The following RNF217 variants were observed in gnomAD, a reference collection of about 807,000 sequenced individuals.
The protein encoded by RNF217 is E3 ubiquitin-protein ligase RNF217.
A neutral mutation model predicts 57.8 loss-of-function variants in RNF217; 31 were observed. The ratio of observed to expected loss-of-function variants is 0.54; its 90% CI spans 0.40 to 0.72. The LOEUF is 0.72. Among genes scored for constraint, RNF217 ranks in the 30% least tolerant of loss-of-function variants. The pLI is 0.00. For synonymous variants in RNF217, 313 were observed against 294.0 expected (o/e 1.06, Z -0.66); for missense variants, 696 against 708.3 (o/e 0.98, Z 0.20).
intron 1 of RNF217, among the ~76,000 whole-genome samples, chr6:124,996,137 A>C (rs1007073461): frequency 1.3e-5 from 2 of 152,152 alleles, no homozygotes; most frequent in African/African-American, 4.8e-5. Flanking sequence ...TACTCGCTCC[A>C]CAGCTGATGA....
intron 3 of RNF217, among the ~76,000 whole-genome samples, chr6:125,060,380 C>CAT (rs756964599): frequency 9.1e-5 from 13 of 143,482 alleles, no homozygotes; most frequent in East Asian, 4.0e-4. Flanking sequence ...CACACACACA[C>CAT]ATATATATTT....
At chr6:125,059,633 G>A (rs1034384913) in intron 3 of RNF217, among the ~76,000 whole-genome samples, 4 of 152,142 alleles carry the variant, frequency 2.6e-5, no homozygotes, top group Non-Finnish European at 5.9e-5. Flanking sequence ...TGAATAAACT[G>A]ATGTAACACA....
chr6:124,962,580 C>T lies in RNF217; in HGVS notation c.36C>T (p.Gly12=). 1 of 1,268,390 alleles carries T rather than the reference C, an allele frequency of 7.9e-7. No individual in the cohort carries two copies. The highest frequency in any genetic ancestry group is 9.9e-7 in the Non-Finnish European group (1 of 1,011,432). 78.6% of individuals were successfully genotyped at this position (1,268,390 alleles called of 1,614,324 possible). The change falls in exon 1 of 6, where the codon GGC becomes GGT. Residue 12 remains glycine, a synonymous_variant. Transcript: ENST00000521654. This position sits in a 1 kb window ranked among gnomAD's most constrained non-coding sequence, Gnocchi z 4.6. ...GEEQSTVSGG[G]GPQESQTLAS... ...AGCAGAGCACGGTGAGCGGCGGCGG[C>T]GGGCCCCAGGAGTCGCAGACCCTGG...
At chr6:125,014,379 T>A (rs1464276168) in intron 1 of RNF217, among the ~76,000 whole-genome samples, 1 of 152,226 alleles carries the variant, frequency 6.6e-6, no homozygotes, top group Non-Finnish European at 1.5e-5. Context: ...CTGTGAGGTA[T>A]ATGTAGATGA....
intron 2 of RNF217, among the ~76,000 whole-genome samples, chr6:125,047,326 TAGTGA>T (rs1213847958): frequency 6.6e-6 from 1 of 152,104 alleles, no homozygotes; most frequent in Non-Finnish European, 1.5e-5. Context: ...ATTATGGCAA[TAGTGA>T]AATGTTTTAC....
chr6:125,050,962 A>G (rs1787290787), intron 2 of RNF217, among the ~76,000 whole-genome samples: 1 of 151,976 alleles, frequency 6.6e-6, no homozygotes, highest in Admixed American at 6.6e-5. Flanking sequence ...AGTGTGTGTT[A>G]CATACATTAC....
intron 1 of RNF217, among the ~76,000 whole-genome samples, chr6:124,985,849 T>G (rs1172454487): frequency 1.3e-5 from 2 of 152,152 alleles, no homozygotes; most frequent in African/African-American, 4.8e-5. Flanking sequence ...ATATTAACAT[T>G]TATTAATAAA....
At chr6:124,989,424 G>A (rs1784472892) in intron 1 of RNF217, among the ~76,000 whole-genome samples, 1 of 152,100 alleles carries the variant, frequency 6.6e-6, no homozygotes, top group Non-Finnish European at 1.5e-5. Context: ...AAGAGTCATG[G>A]TAAGGTAATA....
At chr6:125,027,580 A>C (rs1582725608) in intron 1 of RNF217, among the ~76,000 whole-genome samples, 1 of 152,268 alleles carries the variant, frequency 6.6e-6, no homozygotes, top group Non-Finnish European at 1.5e-5. Context: ...GGTTGCTTCG[A>C]AATCTTAGCT....
intron 2 of RNF217, among the ~76,000 whole-genome samples, chr6:125,053,028 A>C (rs986968122): frequency 5.3e-5 from 8 of 152,012 alleles, no homozygotes; most frequent in African/African-American, 1.4e-4. Context: ...TGTTTCCCCA[A>C]TATATCATGT....
chr6:124,962,751 C>G lies in RNF217; in HGVS notation c.207C>G (p.Pro69=), dbSNP rs1421462663. The G allele has an allele frequency of 7.6e-6, 12 of 1,587,976 alleles. No individual in the cohort carries two copies. The highest frequency in any genetic ancestry group is 1.0e-5 in the Non-Finnish European group (12 of 1,175,934). Residue 69 remains proline, a synonymous_variant, in exon 1 of 6, where the codon CCC becomes CCG. Coordinates refer to ENST00000521654, the MANE Select transcript of RNF217 (RefSeq NM_001286398.3). This position sits in a 1 kb window ranked among gnomAD's most constrained non-coding sequence, Gnocchi z 4.6. ...GCGCGGACACCAGCGCCCCAGAGCC[C>G]GCGAGGAGCCTGGGGCCCCCGGGCT... ...WGCADTSAPE[P]ARSLGPPGWS...
rs115643950 is a variant in RNF217 at position 125,015,081 on chromosome 6, A to T, written c.883-30130A>T. On this transcript the variant is annotated intron_variant, in intron 1 of 5. Transcript: ENST00000521654. ...TCTGAAGTATATAGACTTCCACCTA[A>T]CACTTAGCAATCACTTAGAAGTTTC... Among the ~76,000 whole-genome samples, 640 of 152,252 alleles carry T rather than the reference A, an allele frequency of 4.2e-3. 2 individuals are homozygous for T. Among genetic ancestry groups the T allele is most frequent in the African/African-American group, 0.015 (612 of 41,554 alleles).
At chr6:125,076,529 C>A (rs1489995577) in intron 3 of RNF217, 128 bp from the exon 4 acceptor site, 2 of 644,672 alleles carry the variant, frequency 3.1e-6, no homozygotes, top group African/African-American at 1.8e-5. Flanking sequence ...AAATTCACAG[C>A]CTCAGGAGTG....
intron 1 of RNF217, among the ~76,000 whole-genome samples, chr6:124,979,671 T>C (rs944629810): frequency 4.0e-5 from 6 of 149,458 alleles, no homozygotes; most frequent in Non-Finnish European, 9.1e-5. Flanking sequence ...GGTCAGATAG[T>C]ATAGATCCTC....
intron 2 of RNF217, among the ~76,000 whole-genome samples, chr6:125,046,164 C>G (rs955794966): frequency 1.1e-4 from 16 of 152,166 alleles, no homozygotes; most frequent in African/African-American, 3.6e-4. Flanking sequence ...TGCACGGCCC[C>G]CGAGGCTAAG....
chr6:125,073,455 A>C (rs1433863717), intron 3 of RNF217, among the ~76,000 whole-genome samples: 1 of 152,316 alleles, frequency 6.6e-6, no homozygotes. Flanking sequence ...TGCTTAAAGA[A>C]GGATTCTCAA....
intron 1 of RNF217, among the ~76,000 whole-genome samples, chr6:124,981,822 T>A (rs1293878864): frequency 6.7e-6 from 1 of 149,050 alleles, no homozygotes; most frequent in Non-Finnish European, 1.5e-5. Context: ...ATAGAGACCA[T>A]CCTGGCGAAC....
At position 125,008,521 on chromosome 6, in the gene RNF217, T is replaced by C. The variant is rs1244735221; in HGVS notation, c.883-36690T>C. Among the ~76,000 whole-genome samples, 3 of 152,274 alleles carry C rather than the reference T, an allele frequency of 2.0e-5. No individual in the cohort carries two copies. In the East Asian group the frequency reaches 5.8e-4, roughly 30 times the overall value. ...GTCATCAGCACAGTCCAGGCCTTGGTTTCCAACTTCTTGGAGTGATTCTTT... is the reference window on the plus strand; with the variant it reads ...GTCATCAGCACAGTCCAGGCCTTGGCTTCCAACTTCTTGGAGTGATTCTTT... On this transcript the variant is annotated intron_variant, in intron 1 of 5. Coordinates refer to ENST00000521654, the MANE Select transcript of RNF217 (RefSeq NM_001286398.3).
intron 1 of RNF217, among the ~76,000 whole-genome samples, chr6:125,032,626 C>T (rs112903308): frequency 2.9e-3 from 442 of 152,066 alleles, no homozygotes; most frequent in African/African-American, 9.9e-3. Context: ...TGGAAGGAAA[C>T]GACAACCATT....
Sources: gnomAD v4.1 joint callset for allele counts (sites outside exome capture counted in the v4.1 genomes callset) on GRCh38, gnomAD v4.1.1 for gene constraint, Gnocchi (gnomAD v3.1) non-coding constraint, MANE v1.5 for transcripts, NCBI Gene and HGNC (gene_info 2026-07-23, HGNC 2026-07-21) for gene names.